Variants in MELK observed in about 807,000 individuals in gnomAD.
MELK encodes maternal embryonic leucine zipper kinase, also known as pEg3 kinase.
A neutral mutation model predicts 85.0 loss-of-function variants in MELK; 81 were observed. That is an observed-to-expected ratio of 0.95 (90% CI 0.80 to 1.15). The LOEUF is 1.15. Among genes scored for constraint, MELK ranks in the 50% most tolerant of loss-of-function variants. The pLI, the probability that MELK is intolerant of heterozygous loss-of-function variation, is 0.00. For missense variants in MELK, 754 were observed against 777.5 expected (o/e 0.97, Z 0.36); for synonymous variants, 252 against 265.0 (o/e 0.95, Z 0.48).
At chr9:36,624,250 A>C (rs1827730950) in intron 8 of MELK, among the ~76,000 whole-genome samples, 1 of 152,112 alleles carries the variant, frequency 6.6e-6, no homozygotes, top group Admixed American at 6.6e-5. Context: ...CACCCAGCTA[A>C]TTTTTGTTGT....
At chr9:36,656,269 A>G (rs560203680) in intron 12 of MELK, among the ~76,000 whole-genome samples, 1 of 152,324 alleles carries the variant, frequency 6.6e-6, no homozygotes, top group Admixed American at 6.5e-5. Context: ...TTTCCCCTCC[A>G]TCTTCTACTT....
At chr9:36,652,177 G>A (rs1830776071) in intron 12 of MELK, among the ~76,000 whole-genome samples, 1 of 150,982 alleles carries the variant, frequency 6.6e-6, no homozygotes, top group Admixed American at 6.6e-5. Context: ...CTCCCGAGTA[G>A]CTGGAATTGC....
At position 36,651,772 on chromosome 9, in the gene MELK, C is replaced by G. The variant is rs368444354; in HGVS notation, c.948C>G (p.Thr316=). The G allele has an allele frequency of 2.5e-5, 40 of 1,613,822 alleles. No individual in the cohort carries two copies. The highest frequency in any genetic ancestry group is 3.3e-4 in the Middle Eastern group (2 of 6,082). Residue 316 remains threonine, a synonymous_variant, in exon 12 of 18, where the codon ACC becomes ACG. Transcript: ENST00000298048. ...SLWQYDHLTA[T]YLLLLAKKAR... is the part of the protein sequence containing the mutation. ...GGCAGTATGATCACCTCACGGCTAC[C>G]TATCTTCTGCTTCTAGCCAAGAAGG...
At chr9:36,591,477 G>A (rs1469177798) in intron 4 of MELK, among the ~76,000 whole-genome samples, 2 of 152,134 alleles carry the variant, frequency 1.3e-5, no homozygotes, top group Non-Finnish European at 2.9e-5. Context: ...GGGAGGCTGA[G>A]GTAGGAGGAT....
rs1467198628 is a variant in MELK at position 36,677,348 on chromosome 9, C to A, written c.*11C>A. ...AGCTGCAAGGTATAATTGATGGATT[C>A]TTCCATCCTGCCGGATGAGTGTGGG... On this transcript the variant is annotated 3_prime_UTR_variant, in exon 18 of 18. Coordinates refer to ENST00000298048, the MANE Select transcript of MELK (RefSeq NM_014791.4). The A allele has an allele frequency of 1.9e-6, 3 of 1,604,924 alleles. No homozygotes were observed. The highest frequency in any genetic ancestry group is 2.6e-6 in the Non-Finnish European group (3 of 1,174,120).
chr9:36,650,009 T>C (rs1830561872), intron 11 of MELK, among the ~76,000 whole-genome samples: 1 of 152,120 alleles, frequency 6.6e-6, no homozygotes, highest in South Asian at 2.1e-4. Flanking sequence ...AGTGGCACGA[T>C]CTCTGCTCAC....
intron 10 of MELK, among the ~76,000 whole-genome samples, chr9:36,634,893 A>G (rs1167490678): frequency 6.6e-6 from 1 of 152,138 alleles, no homozygotes; most frequent in East Asian, 1.9e-4. Context: ...GCTACTCAGG[A>G]GGCTGAGGCA....
At chr9:36,592,425 T>C (rs1823719172) in intron 4 of MELK, among the ~76,000 whole-genome samples, 1 of 152,038 alleles carries the variant, frequency 6.6e-6, no homozygotes. Context: ...ATTTGCCCAC[T>C]TCAGCCTCCC....
chr9:36,581,633 C>CTT lies in MELK; in HGVS notation c.-38-10_-38-9insTT. ...ATTTCCTTTATTGATTATGTACTCTCTGTCTTCTAGGTTCTTTTTCTAATT... is the reference window on the plus strand; with the variant it reads ...ATTTCCTTTATTGATTATGTACTCTCTTTGTCTTCTAGGTTCTTTTTCTAATT... On this transcript the variant is annotated splice_polypyrimidine_tract_variant and intron_variant, in intron 1 of 17. Transcript: ENST00000298048. 10 of 1,299,704 alleles carry CTT rather than the reference C, an allele frequency of 7.7e-6. No individual in the cohort carries two copies. The highest frequency in any genetic ancestry group is 1.1e-5 in the Non-Finnish European group (10 of 900,998). The allele number at this position is 1,299,704 out of a possible 1,614,324, so 80.5% of individuals were successfully genotyped here.
intron 12 of MELK, among the ~76,000 whole-genome samples, chr9:36,652,106 G>T (rs2137264705): frequency 7.0e-6 from 1 of 142,006 alleles, no homozygotes; most frequent in Admixed American, 7.4e-5. Flanking sequence ...GAGTGCAGTG[G>T]CATGACCTCA....
intron 8 of MELK, 162 bp from the exon 9 acceptor site, chr9:36,630,137 G>A (rs1299312859): frequency 6.4e-6 from 4 of 625,006 alleles, no homozygotes; most frequent in East Asian, 2.7e-5. Flanking sequence ...GAGCCACCAC[G>A]CCCAGCCAAG....
At chr9:36,588,013 G>T (rs1038687344) in intron 3 of MELK, among the ~76,000 whole-genome samples, 4 of 151,236 alleles carry the variant, frequency 2.6e-5, no homozygotes, top group African/African-American at 7.3e-5. Context: ...CGATCTGCCC[G>T]CCTCAGCCTC....
chr9:36,575,312 T>C lies in MELK; in HGVS notation c.-39+2305T>C, dbSNP rs553354147. 1.4e-3 allele frequency among the ~76,000 whole-genome samples: 218 copies of C among 152,314 alleles called. 1 individual carries two copies. Among genetic ancestry groups the C allele is most frequent in the African/African-American group, 5.0e-3 (209 of 41,582 alleles). ...TATACCTCCTTCAGCAGCTACAAAG[T>C]TGGGTTACTCTGTTCTCAAGGCTTT... On this transcript the variant is annotated intron_variant, in intron 1 of 17. Transcript: ENST00000298048.
At chr9:36,655,456 GA>G (rs1319733511) in intron 12 of MELK, among the ~76,000 whole-genome samples, 200 of 13,182 alleles carry the variant, frequency 0.015, 1 homozygote, top group Non-Finnish European at 0.13. Flanking sequence ...AGTAGGGGGA[GA>G]GAGAGAGAGA....
In MELK at chr9:36,606,383, ATATAATATATACATATGTATAGGTGTGTG is replaced by A. The variant is rs1257463132; in HGVS notation, c.568-1187_568-1159del. Among the ~76,000 whole-genome samples, 812 of 135,114 alleles carry A rather than the reference ATATAATATATACATATGTATAGGTGTGTG, an allele frequency of 6.0e-3. 16 individuals are homozygous for A. The highest frequency in any genetic ancestry group is 0.016 in the African/African-American group (525 of 32,804). The allele number at this position is 135,114 out of a possible 152,430, so 88.6% of individuals were successfully genotyped here. A position where few individuals can be genotyped will look rare whatever the true frequency, so the allele number is the denominator to read the frequency against. On this transcript the variant is annotated intron_variant, in intron 7 of 17. Coordinates refer to ENST00000298048, the MANE Select transcript of MELK (RefSeq NM_014791.4). ...AATATATACATATGTATAGGTGTGTATATAATATATACATATGTATAGGTGTGTGTATATATATACATATGTATAGGTGT... is the reference window on the plus strand; with the variant it reads ...AATATATACATATGTATAGGTGTGTATATATATATACATATGTATAGGTGT...
At chr9:36,636,794 T>G (rs9987719) in intron 10 of MELK, among the ~76,000 whole-genome samples, 10,254 of 83,792 alleles carry the variant, frequency 0.12, 624 homozygotes, top group Middle Eastern at 0.22. Context: ...CTGTCTGTCT[T>G]TCTTTCTTTC....
intron 8 of MELK, among the ~76,000 whole-genome samples, chr9:36,611,145 G>A (rs545201365): frequency 1.2e-3 from 186 of 152,228 alleles, no homozygotes; most frequent in African/African-American, 3.9e-3. Context: ...AGGGATACTC[G>A]GCTTGTATTA....
intron 10 of MELK, among the ~76,000 whole-genome samples, chr9:36,640,481 C>A (rs566030612): frequency 1.3e-5 from 2 of 152,174 alleles, no homozygotes; most frequent in South Asian, 4.2e-4. Context: ...GGGTCTCATT[C>A]TTTTACCTGG....
chr9:36,614,458 T>C (rs1378866461), intron 8 of MELK, among the ~76,000 whole-genome samples: 1 of 142,106 alleles, frequency 7.0e-6, no homozygotes, highest in East Asian at 2.0e-4. Flanking sequence ...TATTTTTTTA[T>C]TGATAATTCT....
Sources: allele counts gnomAD v4.1 joint callset (sites outside exome capture counted in the v4.1 genomes callset), GRCh38; gene constraint gnomAD v4.1.1; transcripts MANE v1.5; gene names NCBI Gene and HGNC (gene_info 2026-07-23, HGNC 2026-07-21).